Variants in INSC observed in about 807,000 individuals in gnomAD.
INSC encodes protein inscuteable homolog.
Under a neutral mutation model 58.6 loss-of-function variants are expected in INSC, and 67 were observed. The ratio of observed to expected loss-of-function variants is 1.14; its 90% CI spans 0.94 to 1.40. INSC has a LOEUF of 1.40. INSC is among the 40% of genes most tolerant of loss of function. The pLI is 0.00. For synonymous variants in INSC, 262 were observed against 276.1 expected (o/e 0.95, Z 0.51); for missense variants, 714 against 692.0 (o/e 1.03, Z -0.36).
chr11:15,204,337 T>C (rs1850713014), intron 7 of INSC, among the ~76,000 whole-genome samples: 1 of 152,246 alleles, frequency 6.6e-6, no homozygotes, highest in Non-Finnish European at 1.5e-5. Flanking sequence ...AGAGCCAGCC[T>C]GGGCTGTTAA....
chr11:15,213,005 T>C (rs186610774), intron 7 of INSC, among the ~76,000 whole-genome samples: 19 of 152,368 alleles, frequency 1.2e-4, no homozygotes, highest in African/African-American at 3.8e-4. Flanking sequence ...AGAAGGTGGA[T>C]AACTTGCTCA....
At chr11:15,151,695 C>T (rs1848656156) in intron 2 of INSC, among the ~76,000 whole-genome samples, 1 of 152,172 alleles carries the variant, frequency 6.6e-6, no homozygotes, top group Non-Finnish European at 1.5e-5. Flanking sequence ...TTTACACTCC[C>T]AGGGTTGTGC....
At chr11:15,137,813 G>A (rs1848280458) in intron 1 of INSC, among the ~76,000 whole-genome samples, 1 of 152,194 alleles carries the variant, frequency 6.6e-6, no homozygotes. Flanking sequence ...TGTGTTCACT[G>A]AAGTAGCATT....
chr11:15,241,748 A>G lies in INSC; in HGVS notation c.1470+1225A>G, dbSNP rs936233053. On this transcript the variant is annotated intron_variant, in intron 12 of 12. Coordinates refer to ENST00000379556, the MANE Select transcript of INSC (RefSeq NM_001042536.3). Reference sequence around the variant, plus strand: ...AAAAAGTAAAATATATAGAATTAAAACCAAAGTGAATTATATTAAAAATTA... The same window carrying G: ...AAAAAGTAAAATATATAGAATTAAAGCCAAAGTGAATTATATTAAAAATTA... 5 of 611,504 alleles carry G rather than the reference A, an allele frequency of 8.2e-6. No homozygotes were observed. The East Asian group carries it at 8.3e-5, about 10-fold the overall frequency. 37.9% of individuals were successfully genotyped at this position (611,504 alleles called of 1,614,324 possible). A position where few individuals can be genotyped will look rare whatever the true frequency, so the allele number is the denominator to read the frequency against.
Position 15,235,818 on chromosome 11 carries a change from A to T in INSC, c.1237+150A>T. On this transcript the variant is annotated intron_variant, in intron 10 of 12. Coordinates refer to ENST00000379556, the MANE Select transcript of INSC (RefSeq NM_001042536.3). Reference sequence around the variant, plus strand: ...TGCCTGTAATCCCAGCACTTTGGGAAGCAGAGGTGGGCGGATCAACTGAGG... The same window carrying T: ...TGCCTGTAATCCCAGCACTTTGGGATGCAGAGGTGGGCGGATCAACTGAGG... The T allele has an allele frequency of 4.0e-6, 3 of 752,498 alleles. No individual in the cohort carries two copies. The South Asian group carries it at 4.3e-5, about 11-fold the overall frequency. 46.6% of individuals were successfully genotyped at this position (752,498 alleles called of 1,614,324 possible).
intron 2 of INSC, among the ~76,000 whole-genome samples, chr11:15,165,943 T>C (rs1417568794): frequency 6.6e-6 from 1 of 152,142 alleles, no homozygotes; most frequent in African/African-American, 2.4e-5. Context: ...TCATGACCCA[T>C]CATGATGGGA....
intron 2 of INSC, among the ~76,000 whole-genome samples, chr11:15,160,888 C>A (rs1848994160): frequency 6.6e-6 from 1 of 152,202 alleles, no homozygotes; most frequent in African/African-American, 2.4e-5. Context: ...GGACTGAAAT[C>A]TGGCACTGTC....
At position 15,200,925 on chromosome 11, in the gene INSC, A is replaced by T; in HGVS notation, c.795A>T (p.Glu265Asp). The T allele has an allele frequency of 6.2e-7, 1 of 1,611,136 alleles. No homozygotes were observed. The highest frequency in any genetic ancestry group is 2.2e-5 in the East Asian group (1 of 44,748). ...CGCTGGCCTCCATCTGCTGCGTGGA[A>T]GAGGGTGTCCACCAGCTGGAGAAGG... Reference protein sequence around the residue: ...LRTLASICCVEEGVHQLEKVD... With the variant: ...LRTLASICCVDEGVHQLEKVD... The change falls in exon 7 of 13, where the codon GAA becomes GAT. Residue 265 changes from glutamate to aspartate, a missense_variant. Coordinates refer to ENST00000379556, the MANE Select transcript of INSC (RefSeq NM_001042536.3).
chr11:15,221,413 T>A, intron 7 of INSC, 64 bp from the exon 8 acceptor site: 1 of 1,530,380 alleles, frequency 6.5e-7, no homozygotes, highest in South Asian at 1.3e-5. Context: ...ATCTGTCTCA[T>A]TAATGTCATG....
intron 2 of INSC, among the ~76,000 whole-genome samples, chr11:15,152,979 C>T (rs1682134924): frequency 6.6e-6 from 1 of 152,182 alleles, no homozygotes; most frequent in Admixed American, 6.5e-5. Context: ...TCTAACCAGT[C>T]TCTGTCTTTT....
At chr11:15,227,728 G>A (rs989306229) in intron 9 of INSC, among the ~76,000 whole-genome samples, 2 of 152,184 alleles carry the variant, frequency 1.3e-5, no homozygotes, top group African/African-American at 4.8e-5. Context: ...CTTGGTAGTA[G>A]AGAGGGAGAC....
chr11:15,145,911 G>C (rs1848480929), intron 1 of INSC, among the ~76,000 whole-genome samples: 1 of 152,116 alleles, frequency 6.6e-6, no homozygotes, highest in Non-Finnish European at 1.5e-5. Context: ...TGGAGTCAGG[G>C]TGTCTGTTAG....
At chr11:15,167,277 C>T (rs1849232116) in intron 2 of INSC, among the ~76,000 whole-genome samples, 1 of 151,992 alleles carries the variant, frequency 6.6e-6, no homozygotes, top group Non-Finnish European at 1.5e-5. Flanking sequence ...GTCTTCCCTG[C>T]CCTGGACATA....
intron 7 of INSC, among the ~76,000 whole-genome samples, chr11:15,210,502 AGTTT>A (rs1564905315): frequency 1.5e-5 from 1 of 68,820 alleles, no homozygotes; most frequent in African/African-American, 5.7e-5. Flanking sequence ...TGCATTTGAG[AGTTT>A]GTGTGTGTGT....
At chr11:15,253,331 C>T in the INSC span, among the ~76,000 whole-genome samples, 3 of 152,064 alleles carry the variant, frequency 2.0e-5, no homozygotes, top group African/African-American at 7.2e-5. Context: ...ATGAGGGAAT[C>T]GAGAGCCTAT....
At chr11:15,179,492 C>T (rs927394015) in intron 5 of INSC, among the ~76,000 whole-genome samples, 1 of 152,220 alleles carries the variant, frequency 6.6e-6, no homozygotes, top group Non-Finnish European at 1.5e-5. Flanking sequence ...TCTCTCCTTC[C>T]TGAGTGTTTG....
chr11:15,262,525 C>T, the INSC span, among the ~76,000 whole-genome samples: 326 of 152,192 alleles, frequency 2.1e-3, no homozygotes, highest in African/African-American at 7.5e-3. Context: ...TAAACCCAGT[C>T]ATCTGACCCA....
chr11:15,112,214 G>A (rs1242197979), upstream of INSC, among the ~76,000 whole-genome samples: 2 of 152,170 alleles, frequency 1.3e-5, no homozygotes, highest in Non-Finnish European at 2.9e-5. Flanking sequence ...GCCGGGGATG[G>A]AATTTCCATT....
chr11:15,219,567 A>C (rs1851358710), intron 7 of INSC, among the ~76,000 whole-genome samples: 1 of 152,082 alleles, frequency 6.6e-6, no homozygotes, highest in Non-Finnish European at 1.5e-5. Context: ...GACCCTGGGG[A>C]CCATCAAATC....
Sources: gnomAD v4.1 joint callset for allele counts (sites outside exome capture counted in the v4.1 genomes callset) on GRCh38, gnomAD v4.1.1 for gene constraint, MANE v1.5 for transcripts, NCBI Gene and HGNC (gene_info 2026-07-23, HGNC 2026-07-21) for gene names.